SLC6A6: variants seen among roughly 807,000 people sequenced by gnomAD.
The protein encoded by SLC6A6 is solute carrier family 6 member 6.
Under a neutral mutation model 68.8 loss-of-function variants are expected in SLC6A6, and 16 were observed. That is an observed-to-expected ratio of 0.23 (90% confidence interval 0.16 to 0.35). The LOEUF is 0.35. Among genes scored for constraint, SLC6A6 ranks in the 10% least tolerant of loss-of-function variants. The pLI is 1.00. For synonymous variants in SLC6A6, 312 were observed against 315.4 expected (o/e 0.99, Z 0.12); for missense variants, 474 against 802.8 (o/e 0.59, Z 4.95).
At chr3:14,464,218 C>G (rs1425058182) in intron 6 of SLC6A6, among the ~76,000 whole-genome samples, 1 of 152,168 alleles carries the variant, frequency 6.6e-6, no homozygotes, top group African/African-American at 2.4e-5. Context: ...TGAGGGCCTC[C>G]CTACTGGCTG....
rs1701176340 is a variant in SLC6A6, at chr3:14,486,692, G to A, written c.*1685G>A. The A allele has an allele frequency of 6.6e-6, 1 of 152,662 alleles. No individual in the cohort carries two copies. The highest frequency in any genetic ancestry group is 2.4e-5 in the African/African-American group (1 of 41,462). The allele number at this position is 152,662 out of a possible 1,614,324, so 9.5% of individuals were successfully genotyped here. ...CGAAACGTGACCACGCACAAAGGCA[G>A]TCACTGCCTCGAGGGGTGCAGACCG... On this transcript the variant is annotated 3_prime_UTR_variant, in exon 15 of 15. Transcript: ENST00000622186.
chr3:14,409,925 C>T (rs934893170), intron 1 of SLC6A6, among the ~76,000 whole-genome samples: 65 of 152,190 alleles, frequency 4.3e-4, no homozygotes, highest in African/African-American at 1.5e-3. Flanking sequence ...CACTGGCTCA[C>T]GTCTGTAATC....
intron 13 of SLC6A6, 32 bp downstream of exon 13, chr3:14,479,217 G>A: frequency 7.5e-7 from 1 of 1,325,176 alleles, no homozygotes; most frequent in Non-Finnish European, 1.1e-6. Flanking sequence ...CTGGCTGGTG[G>A]CCTCTTCTCC....
rs149746069 is a variant in SLC6A6 at position 14,478,653 on chromosome 3, C to A, written c.1450+85C>A. ...AAGCTTCAGAAGCAGAGAATACTAACAGAAATTCAATTTGAGTTGAACAGT... is the reference window on the plus strand; with the variant it reads ...AAGCTTCAGAAGCAGAGAATACTAAAAGAAATTCAATTTGAGTTGAACAGT... On this transcript the variant is annotated intron_variant, in intron 12 of 14. Coordinates refer to ENST00000622186, the MANE Select transcript of SLC6A6 (RefSeq NM_003043.6). 609 of 872,646 alleles carry A rather than the reference C, an allele frequency of 7.0e-4. 3 individuals carry two copies. The highest frequency in any genetic ancestry group is 6.8e-3 in the African/African-American group (411 of 60,366). 54.1% of individuals were successfully genotyped at this position (872,646 alleles called of 1,614,324 possible). A position where few individuals can be genotyped will look rare whatever the true frequency, so the allele number is the denominator to read the frequency against.
At chr3:14,446,828 C>T (rs970364501) in intron 4 of SLC6A6, among the ~76,000 whole-genome samples, 1 of 152,156 alleles carries the variant, frequency 6.6e-6, no homozygotes, top group Non-Finnish European at 1.5e-5. Flanking sequence ...CTTCCTTAGT[C>T]CTATGTTTAG....
At chr3:14,445,494 C>T (rs982034263) in intron 3 of SLC6A6, among the ~76,000 whole-genome samples, 1 of 151,832 alleles carries the variant, frequency 6.6e-6, no homozygotes. Context: ...CTTGAAGTCC[C>T]TGGTAGATTT....
At chr3:14,458,218 C>A in intron 6 of SLC6A6, 136 bp downstream of exon 6, 1 of 747,532 alleles carries the variant, frequency 1.3e-6, no homozygotes, top group East Asian at 2.5e-5. Flanking sequence ...AGCCCGCCCT[C>A]TGGAAAAAAG....
chr3:14,443,567 G>A, intron 2 of SLC6A6, 57 bp from the exon 3 acceptor site: 1 of 1,209,742 alleles, frequency 8.3e-7, no homozygotes, highest in Non-Finnish European at 1.2e-6. Context: ...GATTGTGTCT[G>A]AGACATACAG....
At position 14,487,949 on chromosome 3, in the gene SLC6A6, A is replaced by G. The variant is rs996446561; in HGVS notation, c.*2942A>G. On this transcript the variant is annotated 3_prime_UTR_variant, in exon 15 of 15. Transcript: ENST00000622186. ...CATGTTCAGGGATGAGGGGAGCAGCAGCAGCCACACTCCCACCATCCTCAC... is the reference window on the plus strand; with the variant it reads ...CATGTTCAGGGATGAGGGGAGCAGCGGCAGCCACACTCCCACCATCCTCAC... The G allele has an allele frequency of 6.6e-6, 1 of 152,662 alleles. No individual in the cohort carries two copies. Among genetic ancestry groups the G allele is most frequent in the Non-Finnish European group, 1.5e-5 (1 of 68,076 alleles). 9.5% of individuals were successfully genotyped at this position (152,662 alleles called of 1,614,324 possible).
intron 9 of SLC6A6, among the ~76,000 whole-genome samples, chr3:14,471,950 C>G (rs1416012505): frequency 6.6e-6 from 1 of 152,138 alleles, no homozygotes; most frequent in African/African-American, 2.4e-5. Context: ...AATAACCACG[C>G]CCCGATGGAT....
chr3:14,472,172 C>T lies in SLC6A6; in HGVS notation c.1097-33C>T. ...TGGCTTGGTGGCTGATGTCTCCTCCCCTGTGCCCCTCCCCGTTTTCTTTCC... is the reference window on the plus strand; with the variant it reads ...TGGCTTGGTGGCTGATGTCTCCTCCTCTGTGCCCCTCCCCGTTTTCTTTCC... On this transcript the variant is annotated intron_variant, in intron 9 of 14. Coordinates refer to ENST00000622186, the MANE Select transcript of SLC6A6 (RefSeq NM_003043.6). The surrounding 1 kb of genome is among the most constrained non-coding windows in gnomAD (Gnocchi z 4.5). The T allele has an allele frequency of 7.4e-7, 1 of 1,353,384 alleles. No homozygotes were observed. Among genetic ancestry groups the T allele is most frequent in the Non-Finnish European group, 1.1e-6 (1 of 942,414 alleles). The allele number at this position is 1,353,384 out of a possible 1,614,324, so 83.8% of individuals were successfully genotyped here.
intron 2 of SLC6A6, among the ~76,000 whole-genome samples, chr3:14,417,965 G>A (rs4331657): frequency 0.17 from 25,953 of 152,172 alleles, 2,422 homozygotes; most frequent in Non-Finnish European, 0.21. Flanking sequence ...GACATTGCCT[G>A]CTCTAGGGGC....
chr3:14,442,691 C>G (rs1700018448), intron 2 of SLC6A6, among the ~76,000 whole-genome samples: 1 of 152,204 alleles, frequency 6.6e-6, no homozygotes, highest in Non-Finnish European at 1.5e-5. Flanking sequence ...AGACCTCCCT[C>G]TAGACTGGGA....
intron 2 of SLC6A6, among the ~76,000 whole-genome samples, chr3:14,422,758 G>T (rs1028928942): frequency 3.9e-5 from 6 of 152,150 alleles, no homozygotes; most frequent in African/African-American, 1.4e-4. Context: ...TGCTCTGTGG[G>T]GTCCCACCTG....
intron 6 of SLC6A6, among the ~76,000 whole-genome samples, chr3:14,460,361 A>C (rs1700467490): frequency 6.6e-6 from 1 of 151,916 alleles, no homozygotes; most frequent in South Asian, 2.1e-4. Context: ...TCAAGCAGAG[A>C]AGGAGAATGG....
Position 14,402,789 on chromosome 3 carries a change from C to G in SLC6A6, c.-112C>G. The G allele has an allele frequency of 2.5e-6, 1 of 398,038 alleles. No individual in the cohort carries two copies. Among genetic ancestry groups the G allele is most frequent in the African/African-American group, 2.1e-5 (1 of 48,732 alleles). 24.7% of individuals were successfully genotyped at this position (398,038 alleles called of 1,614,324 possible). ...CAGAGAGCGAGCGGGCAGGCAGCCCCCGGCCGGCGGAACCCGGCACAGCCG... is the reference window on the plus strand; with the variant it reads ...CAGAGAGCGAGCGGGCAGGCAGCCCGCGGCCGGCGGAACCCGGCACAGCCG... On this transcript the variant is annotated 5_prime_UTR_variant, in exon 1 of 15. Transcript: ENST00000622186. This position sits in a 1 kb window ranked among gnomAD's most constrained non-coding sequence, Gnocchi z 4.8.
intron 5 of SLC6A6, among the ~76,000 whole-genome samples, chr3:14,449,277 T>C (rs1700201791): frequency 1.3e-5 from 2 of 152,246 alleles, no homozygotes; most frequent in African/African-American, 4.8e-5. Context: ...AGGCCCACTG[T>C]CACTGGGGGT....
chr3:14,420,949 C>T (rs891345960), intron 2 of SLC6A6, among the ~76,000 whole-genome samples: 3 of 152,188 alleles, frequency 2.0e-5, no homozygotes, highest in Admixed American at 6.5e-5. Context: ...TTTGAGTGGG[C>T]GTCTTTACAC....
intron 6 of SLC6A6, among the ~76,000 whole-genome samples, chr3:14,460,499 A>G (rs1041988547): frequency 2.0e-5 from 3 of 152,162 alleles, no homozygotes; most frequent in African/African-American, 7.2e-5. Flanking sequence ...ATCTCCAGGT[A>G]GAAGTGACAG....
Sources: allele counts gnomAD v4.1 joint callset (sites outside exome capture counted in the v4.1 genomes callset), GRCh38; gene constraint gnomAD v4.1.1; non-coding constraint Gnocchi (gnomAD v3.1); transcripts MANE v1.5; gene names NCBI Gene and HGNC (gene_info 2026-07-23, HGNC 2026-07-21).